The following RNGTT variants were observed in gnomAD, a reference collection of about 807,000 sequenced individuals.
The protein encoded by RNGTT is RNA guanylyltransferase and 5'-phosphatase.
In RNGTT, 33 loss-of-function variants were observed where a neutral mutation model predicts 79.3. The ratio of observed to expected loss-of-function variants is 0.42; its 90% CI spans 0.32 to 0.56. The LOEUF is 0.56. Ranked by LOEUF, RNGTT falls within the 20% of genes least tolerant of loss-of-function variation. RNGTT has a pLI of 0.17. For synonymous variants in RNGTT, 222 were observed against 235.9 expected (o/e 0.94, Z 0.54); for missense variants, 497 against 739.1 (o/e 0.67, Z 3.80).
intron 11 of RNGTT, among the ~76,000 whole-genome samples, chr6:88,827,694 A>G (rs1780717053): frequency 6.6e-6 from 1 of 152,096 alleles, no homozygotes; most frequent in African/African-American, 2.4e-5. Context: ...GGGATGCTGG[A>G]GCTTGGTGGG....
At chr6:88,654,696 T>C (rs1773913247) in intron 14 of RNGTT, among the ~76,000 whole-genome samples, 1 of 152,160 alleles carries the variant, frequency 6.6e-6, no homozygotes, top group African/African-American at 2.4e-5. Context: ...CTCCCTATCA[T>C]CTGTATCACA....
At position 88,864,528 on chromosome 6, in the gene RNGTT, T is replaced by C. The variant is rs570193916; in HGVS notation, c.897-10764A>G. Among the ~76,000 whole-genome samples the C allele has an allele frequency of 2.6e-5, 4 of 152,248 alleles. No homozygotes were observed. The East Asian group carries it at 5.8e-4, about 22-fold the overall frequency. ...TAGTGGTTAAGAACCATTCATCCCA[T>C]ACCAGCTCTTACTAATTATGTAACT... is the stretch of plus-strand genomic sequence containing the variant. On this transcript the variant is annotated intron_variant, in intron 8 of 15. Coordinates refer to ENST00000369485, the MANE Select transcript of RNGTT (RefSeq NM_003800.5).
chr6:88,670,021 C>T (rs73752996), intron 14 of RNGTT, among the ~76,000 whole-genome samples: 5,552 of 152,196 alleles, frequency 0.036, 318 homozygotes, highest in African/African-American at 0.13. Context: ...ACTGTTAGCC[C>T]GGCAAGAAAC....
chr6:88,884,400 T>C (rs777199348), intron 8 of RNGTT, among the ~76,000 whole-genome samples: 2 of 152,208 alleles, frequency 1.3e-5, no homozygotes, highest in Non-Finnish European at 2.9e-5. Flanking sequence ...GACTATCTAA[T>C]TCTAAAGTGT....
intron 11 of RNGTT, among the ~76,000 whole-genome samples, chr6:88,833,969 C>T (rs925304592): frequency 1.3e-5 from 2 of 152,010 alleles, no homozygotes; most frequent in East Asian, 1.9e-4. Context: ...TGCAGTGAGC[C>T]GAGATAGCAC....
At chr6:88,852,390 A>C (rs573908983) in intron 9 of RNGTT, among the ~76,000 whole-genome samples, 1 of 152,134 alleles carries the variant, frequency 6.6e-6, no homozygotes. Context: ...TGCTAAAAAA[A>C]GTACCTTAAA....
chr6:88,771,315 G>GTATATATATATATA (rs539282627), intron 12 of RNGTT, among the ~76,000 whole-genome samples: 14 of 62,068 alleles, frequency 2.3e-4, no homozygotes, highest in South Asian at 1.2e-3. Context: ...GTGTGTGTGT[G>GTATATATATATATA]TATATATATA....
chr6:88,680,952 C>T (rs1775071558), intron 13 of RNGTT, among the ~76,000 whole-genome samples: 1 of 151,912 alleles, frequency 6.6e-6, no homozygotes, highest in South Asian at 2.1e-4. Flanking sequence ...GGAAATGTCC[C>T]CTAATCTAAG....
intron 11 of RNGTT, among the ~76,000 whole-genome samples, chr6:88,827,230 C>T (rs942045640): frequency 8.6e-5 from 13 of 152,018 alleles, no homozygotes; most frequent in African/African-American, 2.9e-4. Flanking sequence ...TGGGTGCAGC[C>T]CATAGAGGGT....
intron 13 of RNGTT, among the ~76,000 whole-genome samples, chr6:88,697,505 T>C (rs1372627726): frequency 2.0e-5 from 3 of 151,816 alleles, no homozygotes; most frequent in Non-Finnish European, 4.4e-5. Flanking sequence ...GAGCAGAGAT[T>C]ATGCCACTGC....
At chr6:88,669,301 A>G (rs1774539304) in intron 14 of RNGTT, among the ~76,000 whole-genome samples, 1 of 152,208 alleles carries the variant, frequency 6.6e-6, no homozygotes, top group Non-Finnish European at 1.5e-5. Context: ...TTCCCTCAAC[A>G]TTACTTCCTG....
intron 13 of RNGTT, among the ~76,000 whole-genome samples, chr6:88,681,355 A>G (rs1023527426): frequency 6.6e-6 from 1 of 152,116 alleles, no homozygotes. Flanking sequence ...TGGCACATAT[A>G]TATGTATGTA....
chr6:88,738,641 G>A lies in RNGTT; in HGVS notation c.1439+31133C>T, dbSNP rs145867005. 4.1e-3 allele frequency among the ~76,000 whole-genome samples: 630 copies of A among 152,070 alleles called. 2 individuals carry two copies. The highest frequency in any genetic ancestry group is 7.0e-3 in the African/African-American group (289 of 41,514). ...AGCCTGGGTGACAGAGTGAGACCCCGTCTCAAAACATAAATAAATAAATAA... is the reference window on the plus strand; with the variant it reads ...AGCCTGGGTGACAGAGTGAGACCCCATCTCAAAACATAAATAAATAAATAA... On this transcript the variant is annotated intron_variant, in intron 13 of 15. Transcript: ENST00000369485.
chr6:88,852,087 A>G (rs34917906), intron 9 of RNGTT, among the ~76,000 whole-genome samples: 14,436 of 152,118 alleles, frequency 0.095, 886 homozygotes, highest in Middle Eastern at 0.2. Flanking sequence ...CTAACTAACT[A>G]GATGTGATTT....
chr6:88,706,475 A>G (rs1346238476), intron 13 of RNGTT, among the ~76,000 whole-genome samples: 1 of 152,114 alleles, frequency 6.6e-6, no homozygotes, highest in African/African-American at 2.4e-5. Flanking sequence ...TATAAGGAAG[A>G]GCACTAATAG....
At chr6:88,961,011 G>C (rs780476723) in intron 1 of RNGTT, among the ~76,000 whole-genome samples, 1 of 152,272 alleles carries the variant, frequency 6.6e-6, no homozygotes, top group Non-Finnish European at 1.5e-5. Flanking sequence ...TGTTGCAAAG[G>C]AGATTAACAT....
chr6:88,865,290 T>C (rs1782132246), intron 8 of RNGTT, among the ~76,000 whole-genome samples: 2 of 152,008 alleles, frequency 1.3e-5, no homozygotes, highest in Non-Finnish European at 2.9e-5. Flanking sequence ...CCACTACAAC[T>C]ACAGCTGCTA....
chr6:88,718,012 T>C (rs544615698), intron 13 of RNGTT, among the ~76,000 whole-genome samples: 1 of 152,180 alleles, frequency 6.6e-6, no homozygotes, highest in Non-Finnish European at 1.5e-5. Flanking sequence ...TAGTAGCTGC[T>C]ACTGAATTAA....
intron 11 of RNGTT, among the ~76,000 whole-genome samples, chr6:88,825,761 T>C (rs1780636031): frequency 1.3e-5 from 2 of 152,244 alleles, no homozygotes; most frequent in African/African-American, 4.8e-5. Flanking sequence ...ATCACTAATA[T>C]ACAAAATTGC....
Sources: gnomAD v4.1 joint callset for allele counts (sites outside exome capture counted in the v4.1 genomes callset) on GRCh38, gnomAD v4.1.1 for gene constraint, MANE v1.5 for transcripts, NCBI Gene and HGNC (gene_info 2026-07-23, HGNC 2026-07-21) for gene names.